MED23: variants seen among roughly 807,000 people sequenced by gnomAD.
MED23 encodes the protein mediator complex subunit 23.
A neutral mutation model predicts 163.9 loss-of-function variants in MED23; 105 were observed. The observed-to-expected ratio is 0.64, with a 90% CI of 0.55 to 0.75. The LOEUF is 0.75. MED23 is among the 30% of genes least tolerant of loss of function. The pLI is 0.00. For synonymous variants in MED23, 561 were observed against 565.6 expected (o/e 0.99, Z 0.12); for missense variants, 1,054 against 1,649.0 (o/e 0.64, Z 6.25).
chr6:131,596,021 A>T lies in MED23; in HGVS notation c.2921T>A (p.Phe974Tyr). 1 of 1,614,074 alleles carries T rather than the reference A, an allele frequency of 6.2e-7. No homozygotes were observed. Among genetic ancestry groups the T allele is most frequent in the Non-Finnish European group, 8.5e-7 (1 of 1,179,984 alleles). Reference sequence around the variant, plus strand: ...TTTGGATACCGGAAGCAACTCTAAAAATCTGTGGATTACTATATCAAATAC... The same window carrying T: ...TTTGGATACCGGAAGCAACTCTAAATATCTGTGGATTACTATATCAAATAC... ...LPVFDIVIHR[F>Y]LELLPVSKSL... The change falls in exon 22 of 29, where the codon TTT becomes TAT. Residue 974 changes from phenylalanine (F) to tyrosine (Y), a missense_variant. Physicochemically the swap from Phe to Tyr is conservative, Grantham distance 22. Transcript: ENST00000368068.
intron 6 of MED23, 134 bp from the exon 7 acceptor site, chr6:131,620,863 C>T (rs900275393): frequency 3.1e-4 from 170 of 543,172 alleles, no homozygotes; most frequent in Non-Finnish European, 3.1e-4. Context: ...AGTGCAGTGG[C>T]GTAATCATGG....
In MED23 at chr6:131,602,266, G is replaced by C; in HGVS notation, c.2047C>G (p.Leu683Val). The C allele has an allele frequency of 6.2e-7, 1 of 1,613,974 alleles. No homozygotes were observed. Among genetic ancestry groups the C allele is most frequent in the Non-Finnish European group, 8.5e-7 (1 of 1,179,862 alleles). Reference sequence around the variant, plus strand: ...AAGGTCAATATCAAGGCTCGGTTCAGTTCTTCAGATTCTGCTGAGAGCACT... The same window carrying C: ...AAGGTCAATATCAAGGCTCGGTTCACTTCTTCAGATTCTGCTGAGAGCACT... ...KTVLSAESEE[L>V]NRALILTLAR... Residue 683 changes from leucine (L) to valine (V), a missense_variant, in exon 17 of 29, where the codon CTG becomes GTG. By Grantham distance (32) the Leu-to-Val change is conservative. Transcript: ENST00000368068.
intron 28 of MED23, 126 bp downstream of exon 28, chr6:131,589,339 C>T: frequency 1.1e-6 from 1 of 909,254 alleles, no homozygotes; most frequent in Non-Finnish European, 1.7e-6. Context: ...CATACCCACC[C>T]TTTTTCCTTA....
chr6:131,613,982 T>C (rs1194768496), intron 10 of MED23, among the ~76,000 whole-genome samples: 2 of 152,114 alleles, frequency 1.3e-5, no homozygotes, highest in East Asian at 1.9e-4. Flanking sequence ...TGTAAAAAAA[T>C]TGAGTCCAGT....
At chr6:131,584,992 C>A (rs1231417702), downstream of MED23, among the ~76,000 whole-genome samples, 6 of 139,980 alleles carry the variant, frequency 4.3e-5, no homozygotes, top group Non-Finnish European at 7.8e-5. Context: ...GAATGAGACC[C>A]TGAAAAAAAA....
intron 13 of MED23, 62 bp from the exon 14 acceptor site, chr6:131,605,547 AT>A (rs1283288843): frequency 4.2e-6 from 6 of 1,423,132 alleles, no homozygotes; most frequent in African/African-American, 1.5e-5. Context: ...GTTAATTTGT[AT>A]TTTTTTAAAA....
chr6:131,592,334 T>C lies in MED23; in HGVS notation c.3471+54A>G. 7 of 1,502,304 alleles carry C rather than the reference T, an allele frequency of 4.7e-6. 1 individual carries two copies. In the South Asian group the frequency reaches 7.9e-5, roughly 17 times the overall value. The allele number at this position is 1,502,304 out of a possible 1,614,324, so 93.1% of individuals were successfully genotyped here. ...ATGCATCTTTTTCTTTTTGCTGACA[T>C]GGAACAGCTGGCTGTATTTCATCAC... On this transcript the variant is annotated intron_variant, in intron 25 of 28. Transcript: ENST00000368068.
intron 10 of MED23, 110 bp from the exon 11 acceptor site, chr6:131,610,356 G>C: frequency 9.5e-7 from 1 of 1,054,796 alleles, no homozygotes; most frequent in Non-Finnish European, 1.4e-6. Flanking sequence ...ACGGAATGAA[G>C]TTGAACTTAA....
intron 13 of MED23, 73 bp from the exon 14 acceptor site, chr6:131,605,558 A>C: frequency 2.2e-6 from 3 of 1,345,394 alleles, no homozygotes; most frequent in South Asian, 3.1e-5. Context: ...TTTTTTTAAA[A>C]GTTCAATTTT....
At chr6:131,616,931 T>C (rs565868410) in intron 9 of MED23, among the ~76,000 whole-genome samples, 16 of 152,268 alleles carry the variant, frequency 1.1e-4, no homozygotes, top group African/African-American at 3.6e-4. Flanking sequence ...GTCTTGAATA[T>C]AGACCAATCA....
rs769272724 is a variant in MED23, at chr6:131,608,121, G to T, written c.1078-50C>A. 8 of 1,597,874 alleles carry T rather than the reference G, an allele frequency of 5.0e-6. No homozygotes were observed. In the Admixed American group the frequency reaches 6.7e-5, roughly 13 times the overall value. On this transcript the variant is annotated intron_variant, in intron 11 of 28. Coordinates refer to ENST00000368068, the MANE Select transcript of MED23 (RefSeq NM_004830.4). ...TGTATACACTGCTACTTAAAGAGAT[G>T]AATACAGGAAGTTTTTGTTGTTTTT...
In MED23 at chr6:131,591,516, C is replaced by A. The variant is rs1354907862; in HGVS notation, c.3483G>T (p.Trp1161Cys). ...TCACAATTCGATCATGAAGAACAAT[C>A]CAATATGGCTCCTTTAAAATCGGAG... ...LIITALPEPY[W>C]IVLHDRIVSV... Residue 1161 changes from tryptophan (W) to cysteine (C), a missense_variant, in exon 26 of 29, where the codon TGG becomes TGT. Trp to Cys is a radical substitution (Grantham distance 215, BLOSUM62 -2). This residue lies in a region of MED23 where 362 missense variants were observed against 471.6 expected (regional missense o/e 0.77). Transcript: ENST00000368068. 1.2e-6 allele frequency: 2 copies of A among 1,612,624 alleles called. No homozygotes were observed. Among genetic ancestry groups the A allele is most frequent in the Non-Finnish European group, 1.7e-6 (2 of 1,179,106 alleles).
chr6:131,627,400 G>A lies in MED23; in HGVS notation c.155C>T (p.Ser52Phe), dbSNP rs772951065. ...GAFRQFWGGL[S>F]QESHEQCIQW... ...TATTAAAAATGAAGCGCTCACCTGA[G>A]AAAGACCACCCCAAAACTGTCTGAA... The change falls in exon 3 of 29, where the codon TCT (serine) becomes TTT (phenylalanine). Residue 52 changes from serine to phenylalanine, a missense_variant. Transcript: ENST00000368068. 2 of 1,610,364 alleles carry A rather than the reference G, an allele frequency of 1.2e-6. No individual in the cohort carries two copies. Among genetic ancestry groups the A allele is most frequent in the South Asian group, 2.2e-5 (2 of 90,908 alleles).
intron 10 of MED23, among the ~76,000 whole-genome samples, chr6:131,614,518 CA>C (rs1476309611): frequency 2.6e-5 from 4 of 152,098 alleles, no homozygotes; most frequent in African/African-American, 9.7e-5. Context: ...TTTAAAATAT[CA>C]AAGGTGAAAA....
chr6:131,602,519 G>T, intron 16 of MED23, 138 bp from the exon 17 acceptor site: 1 of 774,232 alleles, frequency 1.3e-6, no homozygotes, highest in Non-Finnish European at 2.0e-6. Flanking sequence ...GAGAATAAAT[G>T]TTGCTTAATT....
intron 16 of MED23, among the ~76,000 whole-genome samples, chr6:131,602,709 T>C (rs966301809): frequency 1.3e-5 from 2 of 152,270 alleles, no homozygotes; most frequent in African/African-American, 2.4e-5. Flanking sequence ...TGTGACATGA[T>C]ACTTTAACCA....
At chr6:131,612,271 T>A (rs1776330733) in intron 10 of MED23, among the ~76,000 whole-genome samples, 3 of 151,720 alleles carry the variant, frequency 2.0e-5, no homozygotes, top group Admixed American at 6.6e-5. Context: ...TATCTGCAAA[T>A]TTTGGTAACA....
chr6:131,598,453 A>G lies in MED23; in HGVS notation c.2441T>C (p.Ile814Thr), dbSNP rs922889806. Reference sequence around the variant, plus strand: ...ATGGGCTACCAAGGCCCTGGCTCCAATTCTCTCTAATACTCTGGAAGGCAG... The same window carrying G: ...ATGGGCTACCAAGGCCCTGGCTCCAGTTCTCTCTAATACTCTGGAAGGCAG... ...NQIGYRVLER[I>T]GARALVAHVR... is the part of the protein sequence containing the mutation. Residue 814 changes from isoleucine (I) to threonine (T), a missense_variant, in exon 20 of 29, where the codon ATT becomes ACT. Ile to Thr is a moderately conservative substitution (Grantham distance 89, BLOSUM62 -1). Coordinates refer to ENST00000368068, the MANE Select transcript of MED23 (RefSeq NM_004830.4). This position sits in a 1 kb window ranked among gnomAD's most constrained non-coding sequence, Gnocchi z 4.7. 9.3e-6 allele frequency: 15 copies of G among 1,614,002 alleles called. No individual in the cohort carries two copies. The highest frequency in any genetic ancestry group is 1.2e-5 in the Non-Finnish European group (14 of 1,180,018).
intron 4 of MED23, among the ~76,000 whole-genome samples, chr6:131,623,973 A>AT (rs1049368272): frequency 6.6e-6 from 1 of 152,216 alleles, no homozygotes; most frequent in Non-Finnish European, 1.5e-5. Flanking sequence ...AGTATTTTAC[A>AT]TTTTTTACTT....
Sources: allele counts gnomAD v4.1 joint callset (sites outside exome capture counted in the v4.1 genomes callset), GRCh38; gene constraint gnomAD v4.1.1; regional missense constraint gnomAD v4.1.1; non-coding constraint Gnocchi (gnomAD v3.1); transcripts MANE v1.5; gene names NCBI Gene and HGNC (gene_info 2026-07-23, HGNC 2026-07-21).